BDP1: variants seen among roughly 807,000 people sequenced by gnomAD.
BDP1 encodes BDP1 general transcription factor IIIB subunit.
BDP1 carries 169 observed loss-of-function variants against 266.6 expected under a neutral mutation model. The observed-to-expected ratio is 0.63, with a 90% confidence interval of 0.56 to 0.72. BDP1 has a LOEUF of 0.72. Among genes scored for constraint, BDP1 ranks in the 30% least tolerant of loss-of-function variants. The pLI, the probability that BDP1 is intolerant of heterozygous loss-of-function variation, is 0.00. For synonymous variants in BDP1, 1,090 were observed against 1,022.4 expected (o/e 1.07, Z -1.26); for missense variants, 3,015 against 3,053.8 (o/e 0.99, Z 0.30).
chr5:71,511,259 A>C, intron 17 of BDP1, 108 bp downstream of exon 17: 1 of 1,104,430 alleles, frequency 9.1e-7, no homozygotes, highest in Non-Finnish European at 1.3e-6. Flanking sequence ...AAAAATCTCT[A>C]AAAGTCTAAA....
At chr5:71,530,826 C>T (rs1392442656) in intron 25 of BDP1, among the ~76,000 whole-genome samples, 1 of 152,080 alleles carries the variant, frequency 6.6e-6, no homozygotes, top group Non-Finnish European at 1.5e-5. Context: ...GCCCATAGTC[C>T]CAGCACTTTG....
chr5:71,489,917 A>C (rs1763487764), intron 10 of BDP1, among the ~76,000 whole-genome samples: 2 of 152,274 alleles, frequency 1.3e-5, no homozygotes. Flanking sequence ...AAGATGTATC[A>C]CCTCCTGTGC....
chr5:71,514,832 G>GTA, intron 19 of BDP1, 112 bp from the exon 20 acceptor site: 1 of 611,088 alleles, frequency 1.6e-6, no homozygotes, highest in South Asian at 3.0e-5. Context: ...TAGAATTTTG[G>GTA]TATAGACTAC....
chr5:71,551,201 G>A (rs1742723153), intron 34 of BDP1, among the ~76,000 whole-genome samples: 1 of 152,172 alleles, frequency 6.6e-6, no homozygotes, highest in East Asian at 1.9e-4. Flanking sequence ...TGGAGGGAAG[G>A]TCAGCAGATA....
chr5:71,513,458 A>G, intron 19 of BDP1, 51 bp downstream of exon 19: 1 of 1,013,608 alleles, frequency 9.9e-7, no homozygotes, highest in Non-Finnish European at 1.4e-6. Context: ...TTTTTTTTTT[A>G]AGTTATTAGG....
Position 71,548,755 on chromosome 5 carries a change from T to C in BDP1, c.6808+10T>C. On this transcript the variant is annotated intron_variant, in intron 33 of 38. Transcript: ENST00000358731. ...CCTCAAGACCTAACAGGTATGATAA[T>C]ATGCTTCAGTGACATGTCATAGAAC... The C allele has an allele frequency of 6.4e-7, 1 of 1,557,534 alleles. No homozygotes were observed. Among genetic ancestry groups the C allele is most frequent in the Non-Finnish European group, 8.8e-7 (1 of 1,131,456 alleles).
At position 71,502,769 on chromosome 5, in the gene BDP1, A is replaced by G. The variant is rs770256602; in HGVS notation, c.2219A>G (p.Asn740Ser). The change falls in exon 15 of 39, where the codon AAT becomes AGT. Residue 740 changes from asparagine to serine, a missense_variant. Asn to Ser is a conservative substitution (Grantham distance 46). Transcript: ENST00000358731. ...GGGGCCAATGTAGAGAAGAATGAAA[A>G]TGAATCCTGTGCTGATAGAGATGTA... The part of the protein sequence containing the change: ...EIGANVEKNE[N>S]ESCADRDTPQ... The G allele has an allele frequency of 6.2e-7, 1 of 1,613,646 alleles. No homozygotes were observed. The highest frequency in any genetic ancestry group is 1.1e-5 in the South Asian group (1 of 91,054).
chr5:71,551,802 G>A (rs558171885), intron 34 of BDP1, among the ~76,000 whole-genome samples: 3 of 150,888 alleles, frequency 2.0e-5, no homozygotes, highest in East Asian at 2.0e-4. Context: ...CCTCCCAGAC[G>A]GGGTGGCTGG....
chr5:71,543,863 A>C (rs1208670379), intron 30 of BDP1, among the ~76,000 whole-genome samples: 1 of 152,216 alleles, frequency 6.6e-6, no homozygotes, highest in Non-Finnish European at 1.5e-5. Flanking sequence ...ATTGCACTAA[A>C]CATGATGAAA....
At chr5:71,516,407 G>C (rs188142411) in intron 21 of BDP1, 136 bp downstream of exon 21, 298 of 630,656 alleles carry the variant, frequency 4.7e-4, no homozygotes, top group Middle Eastern at 4.2e-3. Context: ...TTTTGTTTCA[G>C]ATTTGCTCTT....
intron 7 of BDP1, among the ~76,000 whole-genome samples, chr5:71,479,143 C>T (rs1006338545): frequency 5.9e-5 from 9 of 151,742 alleles, no homozygotes; most frequent in Non-Finnish European, 8.8e-5. Context: ...CCCAGGTTTA[C>T]GCCATTCTCC....
intron 27 of BDP1, 89 bp from the exon 28 acceptor site, chr5:71,539,468 G>A (rs1475300118): frequency 4.1e-6 from 4 of 965,862 alleles, no homozygotes; most frequent in African/African-American, 3.2e-5. Context: ...CTGCTCCTAG[G>A]AGATAAACAC....
rs1284322690 is a variant in BDP1 at position 71,510,124 on chromosome 5, A to G, written c.3032A>G (p.Asp1011Gly). The G allele has an allele frequency of 1.2e-6, 2 of 1,613,880 alleles. No homozygotes were observed. Among genetic ancestry groups the G allele is most frequent in the Non-Finnish European group, 1.7e-6 (2 of 1,180,012 alleles). ...EVKPVDEMET[D>G]LNATGRESSP... is the part of the protein sequence containing the mutation. Reference sequence around the variant, plus strand: ...AAGCCTGTAGATGAAATGGAGACAGATTTGAACGCAACTGGAAGAGAGAGT... The same window carrying G: ...AAGCCTGTAGATGAAATGGAGACAGGTTTGAACGCAACTGGAAGAGAGAGT... The change falls in exon 17 of 39, where the codon GAT becomes GGT. Residue 1011 changes from aspartate to glycine, a missense_variant. Physicochemically the swap from Asp to Gly is moderately conservative, Grantham distance 94 (BLOSUM62 -1). Coordinates refer to ENST00000358731, the MANE Select transcript of BDP1 (RefSeq NM_018429.3).
intron 22 of BDP1, among the ~76,000 whole-genome samples, chr5:71,521,451 C>T (rs1471749793): frequency 6.6e-6 from 1 of 151,622 alleles, no homozygotes; most frequent in African/African-American, 2.4e-5. Flanking sequence ...CACGACCATG[C>T]CCAGCTAATT....
At chr5:71,484,316 G>A (rs1269835505) in intron 8 of BDP1, among the ~76,000 whole-genome samples, 1 of 152,098 alleles carries the variant, frequency 6.6e-6, no homozygotes, top group Non-Finnish European at 1.5e-5. Flanking sequence ...CATTGTTCTA[G>A]GTATTGAGCA....
At chr5:71,562,658 C>G (rs891215672) in intron 38 of BDP1, 138 bp downstream of exon 38, 51 of 1,463,238 alleles carry the variant, frequency 3.5e-5, no homozygotes, top group Non-Finnish European at 4.4e-5. Flanking sequence ...TTCTCTCCAT[C>G]GTGTTCCTCC....
chr5:71,489,474 G>A lies in BDP1; in HGVS notation c.1284G>A (p.Thr428=), dbSNP rs539233467. The A allele has an allele frequency of 2.2e-5, 35 of 1,613,942 alleles. 1 individual carries two copies. The highest frequency in any genetic ancestry group is 6.7e-5 in the African/African-American group (5 of 75,024). Residue 428 remains threonine, a synonymous_variant, in exon 10 of 39, where the codon ACG becomes ACA. Transcript: ENST00000358731. ...CTATGAGTTCTAGAATTTCAGACAC[G>A]GAAAGATCTCAGAAGGATGCTCAGA... The part of the protein sequence containing the change: ...DESMSSRISD[T]ERSQKDAQTV...
At chr5:71,497,737 T>C (rs1763978712) in intron 13 of BDP1, among the ~76,000 whole-genome samples, 1 of 152,216 alleles carries the variant, frequency 6.6e-6, no homozygotes, top group South Asian at 2.1e-4. Flanking sequence ...AACATTCTCA[T>C]CTACACACAG....
rs1214794694 is a variant in BDP1 at position 71,544,469 on chromosome 5, A to T, written c.6525A>T (p.Lys2175Asn). The T allele has an allele frequency of 1.9e-6, 3 of 1,613,724 alleles. No homozygotes were observed. In the East Asian group the frequency reaches 6.7e-5, roughly 36 times the overall value. Residue 2175 changes from lysine to asparagine, a missense_variant, in exon 31 of 39, where the codon AAA becomes AAT. Lys to Asn is a moderately conservative substitution (Grantham distance 94). Transcript: ENST00000358731. The part of the protein sequence containing the change: ...QSKLACVHGI[K>N]GTSISSEVNL... The stretch of plus-strand genomic sequence containing the variant: ...AATTGGCATGTGTACATGGTATCAA[A>T]GGGACCAGTATTTCTTCAGAAGTAA...
Sources: gnomAD v4.1 joint callset for allele counts (sites outside exome capture counted in the v4.1 genomes callset) on GRCh38, gnomAD v4.1.1 for gene constraint, MANE v1.5 for transcripts, NCBI Gene and HGNC (gene_info 2026-07-23, HGNC 2026-07-21) for gene names.